The following EYA1 variants were observed in gnomAD, a reference collection of about 807,000 sequenced individuals.
EYA1 encodes the protein EYA transcriptional coactivator and phosphatase 1, also known as protein phosphatase EYA1.
In EYA1, 16 loss-of-function variants were observed where a neutral mutation model predicts 82.0. That is an observed-to-expected ratio of 0.20 (90% confidence interval 0.13 to 0.30). The LOEUF is 0.30. EYA1 is among the 10% of genes least tolerant of loss of function. EYA1 has a pLI of 1.00. For synonymous variants in EYA1, 261 were observed against 264.4 expected (o/e 0.99, Z 0.12); for missense variants, 633 against 730.7 (o/e 0.87, Z 1.54).
intron 12 of EYA1, among the ~76,000 whole-genome samples, chr8:71,221,653 A>C (rs186205784): frequency 6.6e-6 from 1 of 152,234 alleles, no homozygotes; most frequent in East Asian, 1.9e-4. Context: ...ACCCACTAGG[A>C]ATGTCGGGTG....
chr8:71,205,709 A>T (rs1330311205), intron 17 of EYA1, among the ~76,000 whole-genome samples: 1 of 152,216 alleles, frequency 6.6e-6, no homozygotes, highest in African/African-American at 2.4e-5. Context: ...ATTTCAATTG[A>T]CCATTAACGA....
intron 7 of EYA1, among the ~76,000 whole-genome samples, chr8:71,309,487 C>T (rs1370350906): frequency 6.6e-6 from 1 of 152,182 alleles, no homozygotes; most frequent in African/African-American, 2.4e-5. Flanking sequence ...TCTTCAATTT[C>T]ATTTTACGTC....
At chr8:71,393,018 G>T (rs555259258) in intron 2 of EYA1, among the ~76,000 whole-genome samples, 1 of 151,958 alleles carries the variant, frequency 6.6e-6, no homozygotes, top group Non-Finnish European at 1.5e-5. Flanking sequence ...AAAGAAAATT[G>T]GTTTCATAGA....
Position 71,238,350 on chromosome 8 carries a change from G to A in EYA1, c.1140+6253C>T, listed in dbSNP as rs571132496. On this transcript the variant is annotated intron_variant, in intron 12 of 17. Transcript: ENST00000340726. The stretch of plus-strand genomic sequence containing the variant: ...ATAAAACATTTTAATAATTGGTTCA[G>A]TCAGACATTCATTTCCCATGTTTTG... Among the ~76,000 whole-genome samples, 9 of 152,224 alleles carry A rather than the reference G, an allele frequency of 5.9e-5. No homozygotes were observed. In the East Asian group the frequency reaches 1.7e-3, roughly 29 times the overall value.
intron 4 of EYA1, among the ~76,000 whole-genome samples, chr8:71,323,655 C>T (rs1822830834): frequency 6.6e-6 from 1 of 152,192 alleles, no homozygotes. Context: ...GAAGAGATGG[C>T]AAGCCGGCCC....
intron 2 of EYA1, among the ~76,000 whole-genome samples, chr8:71,470,243 GA>G (rs895470475): frequency 3.6e-4 from 54 of 152,006 alleles, no homozygotes; most frequent in Admixed American, 9.2e-4. Flanking sequence ...AGAATAAAGG[GA>G]AAATTGCATA....
At chr8:71,397,251 G>A (rs1465578239) in intron 2 of EYA1, among the ~76,000 whole-genome samples, 1 of 152,134 alleles carries the variant, frequency 6.6e-6, no homozygotes, top group Non-Finnish European at 1.5e-5. Context: ...CAATTTGCCA[G>A]TCTGTGTCTT....
chr8:71,292,269 G>C (rs1189046095), intron 9 of EYA1, among the ~76,000 whole-genome samples: 2 of 151,984 alleles, frequency 1.3e-5, no homozygotes, highest in African/African-American at 4.8e-5. Flanking sequence ...TGCTAGTTTA[G>C]ATATTAGCAC....
At chr8:71,201,729 C>G (rs1403400358) in intron 17 of EYA1, among the ~76,000 whole-genome samples, 1 of 150,512 alleles carries the variant, frequency 6.6e-6, no homozygotes, top group Non-Finnish European at 1.5e-5. Flanking sequence ...ACTACTTAAT[C>G]TCAAATTCAT....
intron 16 of EYA1, 83 bp from the exon 17 acceptor site, chr8:71,211,339 T>C (rs1024551163): frequency 1.1e-6 from 1 of 885,142 alleles, no homozygotes; most frequent in Non-Finnish European, 1.9e-6. Context: ...TATAAAATGC[T>C]TTCTTCATGC....
At chr8:71,442,832 T>C (rs540346793) in intron 2 of EYA1, among the ~76,000 whole-genome samples, 6 of 152,352 alleles carry the variant, frequency 3.9e-5, no homozygotes, top group African/African-American at 1.4e-4. Flanking sequence ...CTATTTATCA[T>C]GTCCTGGTCA....
intron 2 of EYA1, among the ~76,000 whole-genome samples, chr8:71,439,111 G>T (rs1311410493): frequency 6.6e-6 from 1 of 152,052 alleles, no homozygotes; most frequent in Non-Finnish European, 1.5e-5. Flanking sequence ...AACCACCTAG[G>T]CCAGTAAAGG....
chr8:71,201,900 C>T (rs2128808656), intron 17 of EYA1, among the ~76,000 whole-genome samples: 1 of 152,128 alleles, frequency 6.6e-6, no homozygotes, highest in South Asian at 2.1e-4. Flanking sequence ...ATTGCCCTTC[C>T]TCAAAGTTTC....
chr8:71,283,926 T>G (rs2128974273), intron 9 of EYA1, among the ~76,000 whole-genome samples: 1 of 152,284 alleles, frequency 6.6e-6, no homozygotes, highest in African/African-American at 2.4e-5. Flanking sequence ...ATAAAAAGAT[T>G]GAAGTTAATC....
chr8:71,398,842 A>T (rs1384801757), intron 2 of EYA1, among the ~76,000 whole-genome samples: 5 of 152,216 alleles, frequency 3.3e-5, no homozygotes, highest in African/African-American at 1.2e-4. Context: ...GAGACATTTA[A>T]GTCTGCAGAG....
chr8:71,541,826 C>T (rs778972362), intron 1 of EYA1, among the ~76,000 whole-genome samples: 9 of 152,166 alleles, frequency 5.9e-5, no homozygotes, highest in Non-Finnish European at 1.3e-4. Context: ...GCTGCATGCA[C>T]TGAATTTAGG....
intron 16 of EYA1, among the ~76,000 whole-genome samples, chr8:71,212,520 G>A (rs1426886920): frequency 6.6e-6 from 1 of 152,188 alleles, no homozygotes; most frequent in Non-Finnish European, 1.5e-5. Context: ...TAAATTCAAT[G>A]TAATTTAAAG....
chr8:71,524,369 T>G (rs189301483), intron 2 of EYA1, among the ~76,000 whole-genome samples: 282 of 152,298 alleles, frequency 1.9e-3, no homozygotes, highest in African/African-American at 6.4e-3. Flanking sequence ...TTTTTCCTTA[T>G]GACAGAAAAA....
chr8:71,238,079 CTTAT>C (rs1416796927), intron 12 of EYA1, among the ~76,000 whole-genome samples: 14 of 152,090 alleles, frequency 9.2e-5, no homozygotes, highest in African/African-American at 3.1e-4. Flanking sequence ...AAGATTTTGA[CTTAT>C]TTAGTCTTTT....
Sources: allele counts gnomAD v4.1 joint callset (sites outside exome capture counted in the v4.1 genomes callset), GRCh38; gene constraint gnomAD v4.1.1; transcripts MANE v1.5; gene names NCBI Gene and HGNC (gene_info 2026-07-23, HGNC 2026-07-21).